The following STAM variants were observed in gnomAD, a reference collection of about 807,000 sequenced individuals.
STAM encodes the protein signal transducing adapter molecule 1.
A neutral mutation model predicts 63.4 loss-of-function variants in STAM; 16 were observed. That is an observed-to-expected ratio of 0.25 (90% CI 0.17 to 0.38). The LOEUF (loss-of-function observed/expected upper bound fraction) is 0.38. STAM is among the 10% of genes least tolerant of loss of function. The pLI is 1.00. For synonymous variants in STAM, 238 were observed against 223.9 expected (o/e 1.06, Z -0.56); for missense variants, 636 against 657.1 (o/e 0.97, Z 0.35).
At chr10:17,714,031 C>T (rs533004671) in intron 13 of STAM, among the ~76,000 whole-genome samples, 27 of 152,308 alleles carry the variant, frequency 1.8e-4, no homozygotes, top group African/African-American at 6.5e-4. Flanking sequence ...GTTTTCTCTC[C>T]TCAAAGGCTT....
At chr10:17,672,188 C>T (rs911703447) in intron 2 of STAM, among the ~76,000 whole-genome samples, 7 of 152,076 alleles carry the variant, frequency 4.6e-5, no homozygotes, top group African/African-American at 9.7e-5. Context: ...AACTGGTGAC[C>T]GCGCCTAACA....
At chr10:17,675,960 C>T (rs573378550) in intron 2 of STAM, among the ~76,000 whole-genome samples, 1 of 151,912 alleles carries the variant, frequency 6.6e-6, no homozygotes, top group East Asian at 1.9e-4. Flanking sequence ...ACTTCCAACA[C>T]GATGAATGGG....
intron 5 of STAM, among the ~76,000 whole-genome samples, chr10:17,691,511 CAAAT>C (rs1554826786): frequency 1.3e-5 from 2 of 151,866 alleles, no homozygotes; most frequent in Non-Finnish European, 1.5e-5. Flanking sequence ...GAGCGAGACT[CAAAT>C]AAATAAATAA....
At chr10:17,709,977 T>TTTTTTTTTTTG (rs1554829903) in intron 13 of STAM, among the ~76,000 whole-genome samples, 1 of 150,376 alleles carries the variant, frequency 6.6e-6, no homozygotes. Context: ...GATTTTTTTT[T>TTTTTTTTTTTG]AAGTTGAAAT....
intron 2 of STAM, among the ~76,000 whole-genome samples, chr10:17,665,526 T>A (rs1834341037): frequency 6.6e-6 from 1 of 152,142 alleles, no homozygotes; most frequent in Non-Finnish European, 1.5e-5. Context: ...ATTACTTAAT[T>A]ACTTATCGTT....
At chr10:17,704,183 C>T (rs1198816299) in intron 9 of STAM, among the ~76,000 whole-genome samples, 2 of 152,136 alleles carry the variant, frequency 1.3e-5, no homozygotes, top group Admixed American at 1.3e-4. Context: ...GCCTTGACCT[C>T]CTGGGCTCAA....
At chr10:17,672,167 A>G (rs1180931039) in intron 2 of STAM, among the ~76,000 whole-genome samples, 1 of 152,222 alleles carries the variant, frequency 6.6e-6, no homozygotes, top group Admixed American at 6.5e-5. Flanking sequence ...ACCTTTTCAG[A>G]TAATCTCACT....
intron 2 of STAM, among the ~76,000 whole-genome samples, chr10:17,662,759 G>C (rs1222066494): frequency 6.6e-6 from 1 of 152,140 alleles, no homozygotes; most frequent in Non-Finnish European, 1.5e-5. Context: ...CTTCATAGGG[G>C]AGTTGTTGTG....
chr10:17,658,291 T>C (rs922066842), intron 1 of STAM, among the ~76,000 whole-genome samples: 6 of 152,218 alleles, frequency 3.9e-5, no homozygotes, highest in Admixed American at 6.5e-5. Context: ...GTTTATTCCA[T>C]TGTAATCACT....
intron 2 of STAM, among the ~76,000 whole-genome samples, chr10:17,678,396 G>A (rs1328904431): frequency 2.0e-5 from 3 of 152,146 alleles, no homozygotes; most frequent in East Asian, 3.9e-4. Flanking sequence ...CTTGGATGGG[G>A]TACATGCCAC....
chr10:17,708,750 A>G (rs1836412782), intron 12 of STAM, 26 bp from the exon 13 acceptor site: 4 of 1,566,662 alleles, frequency 2.6e-6, no homozygotes, highest in Non-Finnish European at 3.5e-6. Context: ...TTAGAATTGA[A>G]TATGATTTCT....
At chr10:17,656,879 T>A (rs6602207) in intron 1 of STAM, among the ~76,000 whole-genome samples, 1 of 151,960 alleles carries the variant, frequency 6.6e-6, no homozygotes, top group Non-Finnish European at 1.5e-5. Context: ...TCCAAGTGGG[T>A]GACTTGAAGA....
intron 13 of STAM, among the ~76,000 whole-genome samples, chr10:17,710,869 G>T (rs1836523832): frequency 6.6e-6 from 1 of 152,134 alleles, no homozygotes; most frequent in African/African-American, 2.4e-5. Flanking sequence ...CTTCACAAAG[G>T]CTTAGAGGCC....
chr10:17,659,359 A>G (rs1554822563), intron 1 of STAM, among the ~76,000 whole-genome samples: 3 of 151,876 alleles, frequency 2.0e-5, no homozygotes. Context: ...TGTTGCTGTT[A>G]TTATTTAGAA....
Position 17,708,780 on chromosome 10 carries a change from A to T in STAM, c.1214A>T (p.Tyr405Phe). 6.2e-7 allele frequency: 1 copy of T among 1,612,844 alleles called. No homozygotes were observed. The highest frequency in any genetic ancestry group is 1.7e-4 in the Middle Eastern group (1 of 6,052). The change falls in exon 13 of 14, where the codon TAT becomes TTT. Residue 405 changes from tyrosine to phenylalanine, a missense_variant. Physicochemically the swap from Tyr to Phe is conservative, Grantham distance 22. Coordinates refer to ENST00000377524, the MANE Select transcript of STAM (RefSeq NM_003473.4). ...QSSGVSGSQV[Y>F]AGPPPSGAYL... is the part of the protein sequence containing the mutation. ...ATTTCTCTTTAACCATCGCAGGTGTATGCAGGGCCTCCTCCAAGTGGTGCC... is the reference window on the plus strand; with the variant it reads ...ATTTCTCTTTAACCATCGCAGGTGTTTGCAGGGCCTCCTCCAAGTGGTGCC...
chr10:17,700,188 C>G lies in STAM; in HGVS notation c.824-3C>G. On this transcript the variant is annotated splice_region_variant and splice_polypyrimidine_tract_variant and intron_variant, in intron 8 of 13. Transcript: ENST00000377524. ...AAAAAGATAACTTTTACATATCTTA[C>G]AGTTAAAACAGAGAAGAAGACGGTA... is the stretch of plus-strand genomic sequence containing the variant. 6.3e-7 allele frequency: 1 copy of G among 1,594,678 alleles called. No individual in the cohort carries two copies. Among genetic ancestry groups the G allele is most frequent in the Non-Finnish European group, 8.5e-7 (1 of 1,170,818 alleles).
At chr10:17,651,006 G>T (rs1204527265) in intron 1 of STAM, among the ~76,000 whole-genome samples, 1 of 149,174 alleles carries the variant, frequency 6.7e-6, no homozygotes, top group South Asian at 2.1e-4. Context: ...CGGAGCTTGC[G>T]GTGAGCCAAG....
At chr10:17,696,096 T>C (rs1354623467) in intron 7 of STAM, 1 of 152,156 alleles carries the variant, frequency 6.6e-6, no homozygotes, top group Non-Finnish European at 1.5e-5. Flanking sequence ...TCTGATACCA[T>C]TGCTTTGGGG....
chr10:17,708,990 T>G, intron 13 of STAM, 39 bp downstream of exon 13: 1 of 1,589,276 alleles, frequency 6.3e-7, no homozygotes, highest in Non-Finnish European at 8.6e-7. Context: ...GTTAGTGCTG[T>G]TACAGCTGTT....
Sources: gnomAD v4.1 joint callset for allele counts (sites outside exome capture counted in the v4.1 genomes callset) on GRCh38, gnomAD v4.1.1 for gene constraint, MANE v1.5 for transcripts, NCBI Gene and HGNC (gene_info 2026-07-23, HGNC 2026-07-21) for gene names.